Variants in MYDGF observed in about 807,000 individuals in gnomAD.
MYDGF encodes the protein myeloid derived growth factor.
A neutral mutation model predicts 24.2 loss-of-function variants in MYDGF; 29 were observed. The ratio of observed to expected loss-of-function variants is 1.20; its 90% CI spans 0.89 to 1.63. MYDGF has a LOEUF of 1.63. Ranked by LOEUF, MYDGF falls within the 40% of genes most tolerant of loss-of-function variation. The pLI is 0.00. For synonymous variants in MYDGF, 105 were observed against 102.5 expected, an observed-to-expected ratio of 1.02 and a Z score of -0.15; for missense variants, 245 against 234.8, an observed-to-expected ratio of 1.04 and a Z score of -0.29.
chr19:4,670,143 G>C lies in MYDGF; in HGVS notation c.174+18C>G. 6.7e-7 allele frequency: 1 copy of C among 1,495,908 alleles called. No individual in the cohort carries two copies. Among genetic ancestry groups the C allele is most frequent in the East Asian group, 2.7e-5 (1 of 36,722 alleles). The allele number at this position is 1,495,908 out of a possible 1,614,324, so 92.7% of individuals were successfully genotyped here. A position where few individuals can be genotyped will look rare whatever the true frequency, so the allele number is the denominator to read the frequency against. ...GGCCTGCCAGCACTCAAATATCCGG[G>C]ACGGCGGTGGCACGTACCCCCGGGC... On this transcript the variant is annotated intron_variant, in intron 1 of 5. Transcript: ENST00000262947.
At chr19:4,669,760 C>T (rs917871064) in intron 1 of MYDGF, among the ~76,000 whole-genome samples, 35 of 152,066 alleles carry the variant, frequency 2.3e-4, no homozygotes, top group Non-Finnish European at 2.9e-5. Flanking sequence ...GCACTTCCTC[C>T]CTCTTCGGAG....
At chr19:4,668,334 A>G (rs568439900) in intron 2 of MYDGF, among the ~76,000 whole-genome samples, 3 of 152,268 alleles carry the variant, frequency 2.0e-5, no homozygotes, top group Admixed American at 1.3e-4. Context: ...CAACATCCCA[A>G]CAGATGCTCA....
chr19:4,661,465 G>A (rs539539706), intron 3 of MYDGF, among the ~76,000 whole-genome samples: 2 of 152,188 alleles, frequency 1.3e-5, no homozygotes, highest in Non-Finnish European at 2.9e-5. Context: ...GCATTGACTA[G>A]GAAGTACAGG....
intron 2 of MYDGF, among the ~76,000 whole-genome samples, chr19:4,667,121 CTTTTTTTTTTTTT>C (rs57093750): frequency 7.5e-4 from 77 of 102,190 alleles, no homozygotes; most frequent in Non-Finnish European, 1.0e-3. Context: ...TCAAATCACC[CTTTTTTTTTTTTT>C]TTTTTTTTTT....
intron 3 of MYDGF, among the ~76,000 whole-genome samples, chr19:4,663,370 T>G (rs59913199): frequency 2.7e-5 from 3 of 110,736 alleles, no homozygotes; most frequent in Admixed American, 9.6e-5. Context: ...TCCAATCTAC[T>G]CTCCCCACCT....
chr19:4,660,507 G>A lies in MYDGF; in HGVS notation c.369+162C>T, dbSNP rs73535693. On this transcript the variant is annotated intron_variant, in intron 4 of 5. Coordinates refer to ENST00000262947, the MANE Select transcript of MYDGF (RefSeq NM_019107.4). ...ACCCCCGTGCCCCTGGCCTGGGGGCGTCTGTGTGCCAGGTTCCTGCAAGTT... is the reference window on the plus strand; with the variant it reads ...ACCCCCGTGCCCCTGGCCTGGGGGCATCTGTGTGCCAGGTTCCTGCAAGTT... 1.3e-3 allele frequency: 827 copies of A among 625,606 alleles called. 7 individuals are homozygous for A. Among genetic ancestry groups the A allele is most frequent in the African/African-American group, 0.013 (682 of 53,442 alleles). 38.8% of individuals were successfully genotyped at this position (625,606 alleles called of 1,614,324 possible).
chr19:4,665,303 ACCTCTACCT>A (rs2088512079), intron 2 of MYDGF, among the ~76,000 whole-genome samples: 1 of 151,946 alleles, frequency 6.6e-6, no homozygotes, highest in Non-Finnish European at 1.5e-5. Flanking sequence ...CCTCACTGCA[ACCTCTACCT>A]CCTGGGCTCA....
rs1275212281 is a variant in MYDGF, at chr19:4,670,285, G to A, written c.50C>T (p.Ala17Val). ...GWNGVGASLW[A>V]ALLLGAVALR... ...CGCCACGGCCCCTAGGAGCAGCGCG[G>A]CCCACAAGCTCGCGCCGACGCCGTT... Residue 17 changes from alanine (A) to valine (V), a missense_variant, in exon 1 of 6, where the codon GCC (alanine) becomes GTC (valine). Transcript: ENST00000262947. The A allele has an allele frequency of 2.0e-6, 3 of 1,527,626 alleles. No individual in the cohort carries two copies. The highest frequency in any genetic ancestry group is 2.9e-5 in the African/African-American group (2 of 69,990). 94.6% of individuals were successfully genotyped at this position (1,527,626 alleles called of 1,614,324 possible).
intron 2 of MYDGF, among the ~76,000 whole-genome samples, chr19:4,665,406 T>C (rs2088512865): frequency 6.6e-6 from 1 of 152,062 alleles, no homozygotes; most frequent in South Asian, 2.1e-4. Context: ...TGTCTTGCCA[T>C]ATTGCCCAGG....
intron 2 of MYDGF, among the ~76,000 whole-genome samples, chr19:4,667,582 T>C (rs1469332008): frequency 6.6e-6 from 1 of 152,182 alleles, no homozygotes. Flanking sequence ...CAAATCATCT[T>C]TACTGGCTCT....
chr19:4,660,367 A>C (rs2088460184), intron 4 of MYDGF, among the ~76,000 whole-genome samples: 1 of 151,998 alleles, frequency 6.6e-6, no homozygotes, highest in Non-Finnish European at 1.5e-5. Context: ...GCCTCCAGCA[A>C]TCCTCCTGCC....
At chr19:4,658,737 C>T (rs2145181644) in intron 5 of MYDGF, among the ~76,000 whole-genome samples, 1 of 152,292 alleles carries the variant, frequency 6.6e-6, no homozygotes, top group South Asian at 2.1e-4. Context: ...CCTCGGCATG[C>T]CACAGTCCCA....
Position 4,657,890 on chromosome 19 carries a change from T to C in MYDGF, c.*115A>G. On this transcript the variant is annotated 3_prime_UTR_variant, in exon 6 of 6. Transcript: ENST00000262947. ...CCGGACAAGGCAACGTCAGCCCAGG[T>C]AGAAAACTTAAGAGTCCCTCCTAGA... 3.1e-6 allele frequency: 3 copies of C among 974,656 alleles called. No individual in the cohort carries two copies. Among genetic ancestry groups the C allele is most frequent in the Non-Finnish European group, 4.5e-6 (3 of 671,390 alleles). The allele number at this position is 974,656 out of a possible 1,614,324, so 60.4% of individuals were successfully genotyped here.
intron 1 of MYDGF, 157 bp from the exon 2 acceptor site, chr19:4,668,802 C>T (rs968672709): frequency 6.8e-6 from 4 of 589,000 alleles, no homozygotes; most frequent in Non-Finnish European, 1.2e-5. Context: ...TTGCCTCAGC[C>T]TCTCAAGTAA....
intron 5 of MYDGF, among the ~76,000 whole-genome samples, chr19:4,659,484 A>C (rs1041630333): frequency 1.3e-5 from 2 of 152,072 alleles, no homozygotes; most frequent in East Asian, 1.9e-4. Flanking sequence ...TCGTCCTCCC[A>C]AAGTGCTGGG....
chr19:4,660,470 A>G (rs1465268824), intron 4 of MYDGF, 199 bp downstream of exon 4: 3 of 564,002 alleles, frequency 5.3e-6, no homozygotes, highest in Non-Finnish European at 9.4e-6. Context: ...GCCAGCAGCA[A>G]CAGGTTACCA....
intron 1 of MYDGF, among the ~76,000 whole-genome samples, chr19:4,669,699 C>T (rs537602468): frequency 6.6e-6 from 1 of 152,182 alleles, no homozygotes; most frequent in Non-Finnish European, 1.5e-5. Context: ...GGGCTGAGGG[C>T]CCGGCCTCAC....
rs748575916 is a variant in MYDGF at position 4,660,769 on chromosome 19, C to T, written c.288-19G>A. The T allele has an allele frequency of 8.7e-6, 14 of 1,608,830 alleles. No homozygotes were observed. Among genetic ancestry groups the T allele is most frequent in the East Asian group, 2.2e-5 (1 of 44,748 alleles). ...CTGGGGCCTGCAGAGGAAGAGGGGG[C>T]GAGGGAGTCAGGCCAGGCCTGCTGG... On this transcript the variant is annotated intron_variant, in intron 3 of 5. Transcript: ENST00000262947.
At chr19:4,662,883 C>T (rs919071568) in intron 3 of MYDGF, among the ~76,000 whole-genome samples, 1 of 151,984 alleles carries the variant, frequency 6.6e-6, no homozygotes, top group Non-Finnish European at 1.5e-5. Flanking sequence ...CAGACCTGCA[C>T]CAGCTCCGCC....
Sources: allele counts gnomAD v4.1 joint callset (sites outside exome capture counted in the v4.1 genomes callset), GRCh38; gene constraint gnomAD v4.1.1; transcripts MANE v1.5; gene names NCBI Gene and HGNC (gene_info 2026-07-23, HGNC 2026-07-21).